Variants in RALGAPB observed in about 807,000 individuals in gnomAD.
RALGAPB encodes the protein Ral GTPase activating protein non-catalytic subunit beta.
Under a neutral mutation model 161.1 loss-of-function variants are expected in RALGAPB, and 25 were observed. That is an observed-to-expected ratio of 0.16 (90% confidence interval 0.11 to 0.22). RALGAPB has a LOEUF of 0.22. Ranked by LOEUF, RALGAPB falls within the 10% of genes least tolerant of loss-of-function variation. RALGAPB has a pLI of 1.00. For missense variants in RALGAPB, 1,391 were observed against 1,815.2 expected, an observed-to-expected ratio of 0.77 and a Z score of 4.25; for synonymous variants, 629 against 626.1, an observed-to-expected ratio of 1.00 and a Z score of -0.07.
At chr20:38,574,086 A>G in intron 28 of RALGAPB, 64 bp from the exon 29 acceptor site, 1 of 1,492,860 alleles carries the variant, frequency 6.7e-7, no homozygotes, top group East Asian at 2.3e-5. Flanking sequence ...GGGGACTTCA[A>G]CTCTTGGGTG....
intron 9 of RALGAPB, among the ~76,000 whole-genome samples, chr20:38,519,915 GTGCTTTGTAAAAGTA>G (rs2086239078): frequency 6.6e-6 from 1 of 152,170 alleles, no homozygotes; most frequent in South Asian, 2.1e-4. Flanking sequence ...ACAGTACACT[GTGCTTTGTAAAAGTA>G]ACATTGAGCT....
intron 5 of RALGAPB, 110 bp from the exon 6 acceptor site, chr20:38,508,967 C>T (rs950350488): frequency 3.8e-5 from 46 of 1,202,420 alleles, no homozygotes; most frequent in Middle Eastern, 2.0e-4. Flanking sequence ...GTCTTGTTCA[C>T]GTATGTGAGG....
intron 27 of RALGAPB, among the ~76,000 whole-genome samples, chr20:38,570,216 G>A (rs375690582): frequency 1.2e-4 from 19 of 152,078 alleles, no homozygotes; most frequent in African/African-American, 2.4e-4. Flanking sequence ...GTGAAGATTC[G>A]ATGAGACCAG....
chr20:38,539,590 A>G (rs2086906463), intron 16 of RALGAPB, among the ~76,000 whole-genome samples, 186 bp from the exon 17 acceptor site: 1 of 152,202 alleles, frequency 6.6e-6, no homozygotes, highest in Admixed American at 6.5e-5. Flanking sequence ...GAAAAATGCC[A>G]CTATTTTTTG....
At chr20:38,478,442 A>G (rs923802357) in intron 1 of RALGAPB, among the ~76,000 whole-genome samples, 10 of 151,966 alleles carry the variant, frequency 6.6e-5, no homozygotes, top group African/African-American at 2.4e-4. Context: ...TTTTTTTGAG[A>G]CGGAGTCTCG....
Position 38,554,593 on chromosome 20 carries a change from C to G in RALGAPB, c.3372+517C>G, listed in dbSNP as rs950254764. 2.6e-5 allele frequency among the ~76,000 whole-genome samples: 4 copies of G among 152,142 alleles called. No homozygotes were observed. In the East Asian group the frequency reaches 7.7e-4, roughly 29 times the overall value. ...AATCACTGCTTGCCAGCTATGTGGTCTTTGGTGAGTTTCTCATCTTGTCTT... is the reference window on the plus strand; with the variant it reads ...AATCACTGCTTGCCAGCTATGTGGTGTTTGGTGAGTTTCTCATCTTGTCTT... On this transcript the variant is annotated intron_variant, in intron 22 of 29. Coordinates refer to ENST00000262879, the MANE Select transcript of RALGAPB (RefSeq NM_020336.4).
intron 19 of RALGAPB, 80 bp downstream of exon 19, chr20:38,546,510 A>G: frequency 1.3e-6 from 2 of 1,574,704 alleles, no homozygotes; most frequent in Non-Finnish European, 1.7e-6. Context: ...AGGATCAGGG[A>G]AGGACAGCCT....
chr20:38,566,388 G>A (rs1352971444), intron 25 of RALGAPB, among the ~76,000 whole-genome samples: 1 of 152,156 alleles, frequency 6.6e-6, no homozygotes, highest in Non-Finnish European at 1.5e-5. Flanking sequence ...CCTCTTTGGG[G>A]ACATACCTGC....
chr20:38,552,659 G>A (rs1215501228), intron 21 of RALGAPB, among the ~76,000 whole-genome samples: 1 of 152,132 alleles, frequency 6.6e-6, no homozygotes, highest in South Asian at 2.1e-4. Flanking sequence ...TGAAGGTTCA[G>A]AGACATTTAG....
chr20:38,570,795 A>G lies in RALGAPB; in HGVS notation c.4090A>G (p.Thr1364Ala). The G allele has an allele frequency of 6.2e-7, 1 of 1,608,604 alleles. No homozygotes were observed. The highest frequency in any genetic ancestry group is 1.3e-5 in the African/African-American group (1 of 74,888). The change falls in exon 28 of 30, where the codon ACA (threonine) becomes GCA (alanine). Residue 1364 changes from threonine to alanine, a missense_variant. By Grantham distance (58) the Thr-to-Ala change is moderately conservative. Around this residue, in one of 3 missense-constraint regions of RALGAPB, gnomAD observed 436 missense variants for 527.0 expected, o/e 0.83. Coordinates refer to ENST00000262879, the MANE Select transcript of RALGAPB (RefSeq NM_020336.4). Reference protein sequence around the residue: ...IENFPLSELMTEISTGVETTA... With the variant: ...IENFPLSELMAEISTGVETTA... ...AAACTTTCCCCTCTCAGAGCTGATG[A>G]CAGAGATCAGTACTGGTGTGGAAAC...
At chr20:38,488,654 A>G (rs2085187154) in intron 2 of RALGAPB, 36 bp downstream of exon 2, 1 of 1,559,802 alleles carries the variant, frequency 6.4e-7, no homozygotes, top group East Asian at 2.3e-5. Flanking sequence ...TTATATGAAA[A>G]TGTACATTTG....
intron 5 of RALGAPB, among the ~76,000 whole-genome samples, chr20:38,501,824 T>C (rs2085604385): frequency 6.6e-6 from 1 of 152,122 alleles, no homozygotes; most frequent in African/African-American, 2.4e-5. Context: ...TTTTGAAATT[T>C]GAGACAATTT....
chr20:38,560,338 C>T (rs2087743254), intron 23 of RALGAPB, among the ~76,000 whole-genome samples: 1 of 152,020 alleles, frequency 6.6e-6, no homozygotes, highest in Admixed American at 6.6e-5. Context: ...AAGAAGGTGG[C>T]CTGGAGGAAA....
chr20:38,489,259 T>C (rs2122866805), intron 2 of RALGAPB, among the ~76,000 whole-genome samples: 1 of 152,304 alleles, frequency 6.6e-6, no homozygotes, highest in Admixed American at 6.5e-5. Context: ...CACTGCAGCC[T>C]CAGTCTCTCT....
chr20:38,476,030 T>G (rs2084793752), intron 1 of RALGAPB, among the ~76,000 whole-genome samples: 1 of 152,236 alleles, frequency 6.6e-6, no homozygotes, highest in African/African-American at 2.4e-5. Flanking sequence ...CAACTTATGT[T>G]AAATTCAGAT....
intron 24 of RALGAPB, among the ~76,000 whole-genome samples, chr20:38,564,871 CTCCTCCTCCTCT>C (rs1323119439): frequency 6.6e-6 from 1 of 151,304 alleles, no homozygotes; most frequent in African/African-American, 2.4e-5. Flanking sequence ...CTCTTCCTCC[CTCCTCCTCCTCT>C]TCCTCCTCCT....
intron 7 of RALGAPB, among the ~76,000 whole-genome samples, chr20:38,517,277 G>A (rs951654570): frequency 3.3e-5 from 5 of 152,192 alleles, no homozygotes; most frequent in African/African-American, 1.2e-4. Flanking sequence ...ACATCTAGGT[G>A]CAAAGGGAGT....
intron 5 of RALGAPB, among the ~76,000 whole-genome samples, chr20:38,506,681 C>T (rs1044023265): frequency 4.5e-4 from 68 of 152,166 alleles, no homozygotes; most frequent in Non-Finnish European, 9.7e-4. Flanking sequence ...GATTTGTCCA[C>T]ATTGTTAATT....
chr20:38,565,975 A>G (rs2087982413), intron 25 of RALGAPB, among the ~76,000 whole-genome samples: 1 of 152,188 alleles, frequency 6.6e-6, no homozygotes, highest in East Asian at 1.9e-4. Context: ...AGTAATTATT[A>G]CTTCTTAGTC....
Sources: gnomAD v4.1 joint callset for allele counts (sites outside exome capture counted in the v4.1 genomes callset) on GRCh38, gnomAD v4.1.1 for gene constraint, gnomAD v4.1.1 regional missense constraint, MANE v1.5 for transcripts, NCBI Gene and HGNC (gene_info 2026-07-23, HGNC 2026-07-21) for gene names.